Variants in PAPPA2 observed in about 807,000 individuals in gnomAD.
The protein encoded by PAPPA2 is pappalysin-2.
A neutral mutation model predicts 176.4 loss-of-function variants in PAPPA2; 86 were observed. The ratio of observed to expected loss-of-function variants is 0.49; its 90% CI spans 0.41 to 0.58. The LOEUF is 0.58. Ranked by LOEUF, PAPPA2 falls within the 20% of genes least tolerant of loss-of-function variation. The pLI, the probability that PAPPA2 is intolerant of heterozygous loss-of-function variation, is 0.00. For missense variants in PAPPA2, 2,073 were observed against 2,256.9 expected (o/e 0.92, Z 1.65); for synonymous variants, 809 against 852.2 (o/e 0.95, Z 0.88).
At chr1:176,600,626 A>G (rs549220142) in intron 3 of PAPPA2, among the ~76,000 whole-genome samples, 167 of 144,676 alleles carry the variant, frequency 1.2e-3, no homozygotes, top group African/African-American at 4.2e-3. Flanking sequence ...CAGTGAGCCG[A>G]GATCGCGCCA....
chr1:176,756,323 A>G (rs563927633), intron 14 of PAPPA2, among the ~76,000 whole-genome samples: 1 of 152,270 alleles, frequency 6.6e-6, no homozygotes, highest in South Asian at 2.1e-4. Flanking sequence ...TTCATGTTGA[A>G]TAGGTTGAGG....
At chr1:176,750,374 G>A (rs894414460) in intron 14 of PAPPA2, among the ~76,000 whole-genome samples, 4 of 152,146 alleles carry the variant, frequency 2.6e-5, no homozygotes, top group Non-Finnish European at 4.4e-5. Flanking sequence ...GGAGGCCAAG[G>A]CAGGAGAATC....
At chr1:176,522,708 CTCTTGCT>C (rs1321539493) in intron 1 of PAPPA2, among the ~76,000 whole-genome samples, 2 of 152,234 alleles carry the variant, frequency 1.3e-5, no homozygotes, top group Admixed American at 6.5e-5. Context: ...ATTGCCATGC[CTCTTGCT>C]TCTTGCTCTT....
chr1:176,818,334 A>G lies in PAPPA2; in HGVS notation c.5202+18202A>G, dbSNP rs766439929. Among the ~76,000 whole-genome samples, 15 of 152,288 alleles carry G rather than the reference A, an allele frequency of 9.8e-5. 1 individual carries two copies. The highest frequency in any genetic ancestry group is 7.7e-4 in the East Asian group (4 of 5,180). On this transcript the variant is annotated intron_variant, in intron 21 of 22. Transcript: ENST00000367662. ...TCAGTCAAGAGTCAAGTGAGAAGGG[A>G]GTAACAATAACTAAAGACAAAGTTT... is the stretch of plus-strand genomic sequence containing the variant.
chr1:176,640,033 G>A (rs1433143936), intron 3 of PAPPA2, among the ~76,000 whole-genome samples: 3 of 151,406 alleles, frequency 2.0e-5, no homozygotes, highest in Non-Finnish European at 2.9e-5. Context: ...AGAAGAAAAG[G>A]GCAAGCCTAT....
chr1:176,572,001 G>A (rs959576529), intron 2 of PAPPA2, among the ~76,000 whole-genome samples: 11 of 152,148 alleles, frequency 7.2e-5, no homozygotes, highest in East Asian at 3.9e-4. Flanking sequence ...GGCACGGACC[G>A]TCAGAGCATC....
chr1:176,626,956 C>T (rs900923617), intron 3 of PAPPA2, among the ~76,000 whole-genome samples: 1 of 141,128 alleles, frequency 7.1e-6, no homozygotes, highest in Admixed American at 7.5e-5. Flanking sequence ...CTCCTGAGTT[C>T]AAGCGATCCT....
chr1:176,824,566 T>C lies in PAPPA2; in HGVS notation c.5203-15607T>C, dbSNP rs1336531895. 9.2e-5 allele frequency among the ~76,000 whole-genome samples: 14 copies of C among 152,198 alleles called. 1 individual carries two copies. The highest frequency in any genetic ancestry group is 2.6e-4 in the Admixed American group (4 of 15,276). On this transcript the variant is annotated intron_variant, in intron 21 of 22. Coordinates refer to ENST00000367662, the MANE Select transcript of PAPPA2 (RefSeq NM_020318.3). The stretch of plus-strand genomic sequence containing the variant: ...TTAATTAGAGAAACCAAGTAGTAAA[T>C]TGAATATGCATTATCCAGATGTGAA...
intron 14 of PAPPA2, among the ~76,000 whole-genome samples, chr1:176,744,410 C>T (rs1322986191): frequency 6.6e-6 from 1 of 152,202 alleles, no homozygotes; most frequent in Non-Finnish European, 1.5e-5. Context: ...TCCAACTACT[C>T]CAAGATTTTA....
intron 3 of PAPPA2, among the ~76,000 whole-genome samples, chr1:176,603,774 T>C (rs184065261): frequency 1.4e-3 from 207 of 152,308 alleles, no homozygotes; most frequent in Non-Finnish European, 2.4e-3. Context: ...ATCTGGATTA[T>C]TGCAATAGTC....
At chr1:176,834,000 C>A (rs905035357) in intron 21 of PAPPA2, among the ~76,000 whole-genome samples, 5 of 152,082 alleles carry the variant, frequency 3.3e-5, no homozygotes, top group Non-Finnish European at 7.4e-5. Context: ...AATTTTCTAG[C>A]AGTACAGGAA....
chr1:176,623,763 CTTTCTTTCTTT>C (rs1558479739), intron 3 of PAPPA2, among the ~76,000 whole-genome samples: 25 of 94,280 alleles, frequency 2.7e-4, no homozygotes, highest in African/African-American at 1.1e-3. Context: ...TCCTTCCTTT[CTTTCTTTCTTT>C]CTTTCTTTCT....
chr1:176,815,774 G>A (rs1454600364), intron 21 of PAPPA2, among the ~76,000 whole-genome samples: 8 of 152,080 alleles, frequency 5.3e-5, no homozygotes, highest in African/African-American at 1.9e-4. Context: ...TGAGGCATGG[G>A]CCTCCAGATC....
chr1:176,614,671 T>G (rs1057468825), intron 3 of PAPPA2, among the ~76,000 whole-genome samples: 1 of 152,160 alleles, frequency 6.6e-6, no homozygotes, highest in East Asian at 1.9e-4. Context: ...TTCTCTTTTT[T>G]TTGCATTTCA....
At chr1:176,517,310 G>T (rs1648970953) in intron 1 of PAPPA2, among the ~76,000 whole-genome samples, 1 of 152,146 alleles carries the variant, frequency 6.6e-6, no homozygotes, top group Non-Finnish European at 1.5e-5. Flanking sequence ...AATTAGCTAA[G>T]ATTCCAAACA....
intron 21 of PAPPA2, among the ~76,000 whole-genome samples, chr1:176,832,266 C>T (rs189445420): frequency 6.6e-6 from 1 of 152,316 alleles, no homozygotes; most frequent in Admixed American, 6.5e-5. Flanking sequence ...AACAAGAACA[C>T]TGCTGCTCAT....
At position 176,581,304 on chromosome 1, in the gene PAPPA2, T is replaced by A. The variant is rs571784286; in HGVS notation, c.920-13220T>A. 2.0e-5 allele frequency among the ~76,000 whole-genome samples: 3 copies of A among 152,330 alleles called. No individual in the cohort carries two copies. The East Asian group carries it at 5.8e-4, about 29-fold the overall frequency. Reference sequence around the variant, plus strand: ...GGATTAATTTCTGGGTTCTCTATTATGTTCCACTGGTCTATTTGCCTATTT... The same window carrying A: ...GGATTAATTTCTGGGTTCTCTATTAAGTTCCACTGGTCTATTTGCCTATTT... On this transcript the variant is annotated intron_variant, in intron 2 of 22. Coordinates refer to ENST00000367662, the MANE Select transcript of PAPPA2 (RefSeq NM_020318.3).
At chr1:176,718,750 A>G (rs1436243257) in intron 12 of PAPPA2, among the ~76,000 whole-genome samples, 4 of 151,156 alleles carry the variant, frequency 2.6e-5, no homozygotes, top group Non-Finnish European at 4.4e-5. Flanking sequence ...GGTCAAAAGT[A>G]TATTCTATAT....
intron 4 of PAPPA2, among the ~76,000 whole-genome samples, chr1:176,678,476 A>C (rs1321527083): frequency 1.3e-5 from 2 of 151,988 alleles, no homozygotes; most frequent in Non-Finnish European, 1.5e-5. Context: ...TGTTCTTGCC[A>C]AATCTTACAG....
Sources: allele counts gnomAD v4.1 joint callset (sites outside exome capture counted in the v4.1 genomes callset), GRCh38; gene constraint gnomAD v4.1.1; transcripts MANE v1.5; gene names NCBI Gene and HGNC (gene_info 2026-07-23, HGNC 2026-07-21).